The following SGCD variants were observed in gnomAD, a reference collection of about 807,000 sequenced individuals.
SGCD encodes sarcoglycan delta, also known as delta-sarcoglycan.
In SGCD, 18 loss-of-function variants were observed where a neutral mutation model predicts 36.6. The ratio of observed to expected loss-of-function variants is 0.49; its 90% CI spans 0.34 to 0.73. The LOEUF is 0.73. SGCD is among the 30% of genes least tolerant of loss of function. The probability of loss-of-function intolerance (pLI) is 0.01; values close to 1 mark genes in which losing one functional copy is unlikely to be tolerated. For synonymous variants in SGCD, 133 were observed against 130.6 expected (o/e 1.02, Z -0.12); for missense variants, 387 against 346.7 (o/e 1.12, Z -0.92).
intron 6 of SGCD, among the ~76,000 whole-genome samples, chr5:156,599,229 T>C (rs145654418): frequency 1.7e-4 from 26 of 152,348 alleles, no homozygotes; most frequent in Admixed American, 1.6e-3. Flanking sequence ...TCAGACTGTA[T>C]AAACTCTTGG....
intron 3 of SGCD, among the ~76,000 whole-genome samples, chr5:156,435,541 T>A (rs1753205819): frequency 6.6e-6 from 1 of 152,200 alleles, no homozygotes; most frequent in Non-Finnish European, 1.5e-5. Context: ...GTGCTAGAAG[T>A]AATAAGTGCT....
chr5:156,499,979 AT>A (rs1406935142), intron 3 of SGCD, among the ~76,000 whole-genome samples: 1 of 152,126 alleles, frequency 6.6e-6, no homozygotes, highest in Non-Finnish European at 1.5e-5. Context: ...ATGTTTAGAC[AT>A]TTTTCCCTAT....
chr5:156,086,662 G>A (rs757505494), intron 1 of SGCD, among the ~76,000 whole-genome samples: 1 of 152,122 alleles, frequency 6.6e-6, no homozygotes, highest in African/African-American at 2.4e-5. Flanking sequence ...TAGGTGCCTG[G>A]ATTGTTTCAA....
chr5:155,832,877 T>G, the SGCD span, among the ~76,000 whole-genome samples: 1 of 152,022 alleles, frequency 6.6e-6, no homozygotes, highest in Admixed American at 6.6e-5. Flanking sequence ...ATACTCTTTC[T>G]AGGAATCTTG....
chr5:155,781,900 A>G, the SGCD span, among the ~76,000 whole-genome samples: 1 of 152,174 alleles, frequency 6.6e-6, no homozygotes, highest in Non-Finnish European at 1.5e-5. Flanking sequence ...ATCCCATGAA[A>G]TGCAGAGATT....
intron 1 of SGCD, among the ~76,000 whole-genome samples, chr5:155,967,882 T>C (rs1405445936): frequency 6.6e-6 from 1 of 152,074 alleles, no homozygotes. Flanking sequence ...CTTTTTTTCT[T>C]CCTCATAATT....
intron 4 of SGCD, among the ~76,000 whole-genome samples, chr5:156,522,761 C>T (rs898474360): frequency 1.3e-5 from 2 of 151,532 alleles, no homozygotes; most frequent in African/African-American, 4.9e-5. Context: ...CAACCCCATC[C>T]CCACCCCCCG....
At chr5:156,106,031 A>T (rs1761637750) in intron 1 of SGCD, among the ~76,000 whole-genome samples, 1 of 147,214 alleles carries the variant, frequency 6.8e-6, no homozygotes, top group Admixed American at 7.1e-5. Flanking sequence ...AATTGCTTGA[A>T]CCTGGGAGGT....
At chr5:155,918,608 C>T (rs1756806815) in intron 1 of SGCD, among the ~76,000 whole-genome samples, 1 of 152,088 alleles carries the variant, frequency 6.6e-6, no homozygotes, top group Non-Finnish European at 1.5e-5. Flanking sequence ...GTGATATATC[C>T]AGGAAACTGT....
rs72803039 is a variant in SGCD, at chr5:156,759,076, C to T, written c.700-141C>T. ...CTTTCCATCTTGTTGGTATCCAAAT[C>T]CCCAGTACCAAAAATAATCAACACA... is the stretch of plus-strand genomic sequence containing the variant. On this transcript the variant is annotated intron_variant, in intron 8 of 8. Coordinates refer to ENST00000337851, the MANE Select transcript of SGCD (RefSeq NM_000337.6). 31,198 of 641,056 alleles carry T rather than the reference C, an allele frequency of 0.049. 1,110 individuals carry two copies. The highest frequency in any genetic ancestry group is 0.13 in the African/African-American group (7,159 of 55,206). 39.7% of individuals were successfully genotyped at this position (641,056 alleles called of 1,614,324 possible). A position where few individuals can be genotyped will look rare whatever the true frequency, so the allele number is the denominator to read the frequency against.
At chr5:155,798,864 A>G in the SGCD span, among the ~76,000 whole-genome samples, 1 of 152,208 alleles carries the variant, frequency 6.6e-6, no homozygotes, top group African/African-American at 2.4e-5. Context: ...AACCATTACT[A>G]TGATACATAT....
At chr5:156,162,509 AAATC>A (rs1763109061) in intron 3 of SGCD, among the ~76,000 whole-genome samples, 3 of 151,572 alleles carry the variant, frequency 2.0e-5, no homozygotes, top group Admixed American at 2.0e-4. Flanking sequence ...AGGGCTGAAT[AAATC>A]AGTCAGTCTT....
chr5:156,749,045 G>A (rs569310811), intron 7 of SGCD, among the ~76,000 whole-genome samples: 100 of 152,186 alleles, frequency 6.6e-4, no homozygotes, highest in African/African-American at 2.3e-3. Context: ...GATTATAGGC[G>A]TGAGCCATTG....
intron 3 of SGCD, among the ~76,000 whole-genome samples, chr5:156,133,914 A>AACACAC (rs70981997): frequency 0.011 from 1,577 of 140,386 alleles, 20 homozygotes; most frequent in African/African-American, 0.026. Flanking sequence ...GCCGGGTTAA[A>AACACAC]ACACACACAC....
chr5:156,505,549 G>A lies in SGCD; in HGVS notation c.193-3052G>A, dbSNP rs181043322. Among the ~76,000 whole-genome samples, 3 of 152,312 alleles carry A rather than the reference G, an allele frequency of 2.0e-5. No individual in the cohort carries two copies. In the East Asian group the frequency reaches 5.8e-4, roughly 29 times the overall value. ...AACATAGTGAGGTAGGTTGGGTGGAGACTGTGCAAACTAGAGACTGTATGG... is the reference window on the plus strand; with the variant it reads ...AACATAGTGAGGTAGGTTGGGTGGAAACTGTGCAAACTAGAGACTGTATGG... On this transcript the variant is annotated intron_variant, in intron 3 of 8. Transcript: ENST00000337851.
intron 3 of SGCD, among the ~76,000 whole-genome samples, chr5:156,373,199 C>T (rs1484142565): frequency 2.0e-5 from 3 of 152,182 alleles, no homozygotes; most frequent in Non-Finnish European, 4.4e-5. Context: ...GTAATTTTCT[C>T]TAAAAAGATA....
intron 6 of SGCD, among the ~76,000 whole-genome samples, chr5:156,609,868 G>T (rs1214504407): frequency 6.6e-6 from 1 of 152,118 alleles, no homozygotes; most frequent in Non-Finnish European, 1.5e-5. Flanking sequence ...TCATCACATA[G>T]TTCTCGTGCC....
At position 156,631,278 on chromosome 5, in the gene SGCD, G is replaced by A. The variant is rs967802232; in HGVS notation, c.503-16186G>A. Reference sequence around the variant, plus strand: ...TTACATTAAAGCATGTGGATTTACAGCCTGGGATGAAATATATTCATAGAT... The same window carrying A: ...TTACATTAAAGCATGTGGATTTACAACCTGGGATGAAATATATTCATAGAT... On this transcript the variant is annotated intron_variant, in intron 6 of 8. Transcript: ENST00000337851. 2.0e-5 allele frequency among the ~76,000 whole-genome samples: 3 copies of A among 152,086 alleles called. No homozygotes were observed. The East Asian group carries it at 5.8e-4, about 29-fold the overall frequency.
intron 3 of SGCD, among the ~76,000 whole-genome samples, chr5:156,455,310 T>A (rs1754206045): frequency 6.6e-6 from 1 of 152,182 alleles, no homozygotes; most frequent in South Asian, 2.1e-4. Context: ...TGGCTACTTG[T>A]GTTCCTACTC....
Sources: allele counts gnomAD v4.1 joint callset (sites outside exome capture counted in the v4.1 genomes callset), GRCh38; gene constraint gnomAD v4.1.1; transcripts MANE v1.5; gene names NCBI Gene and HGNC (gene_info 2026-07-23, HGNC 2026-07-21).